KIAA1549: variants seen among roughly 807,000 people sequenced by gnomAD.
The protein encoded by KIAA1549 is UPF0606 protein KIAA1549.
KIAA1549 carries 70 observed loss-of-function variants against 156.4 expected under a neutral mutation model. That is an observed-to-expected ratio of 0.45 (90% CI 0.37 to 0.55). KIAA1549 has a LOEUF of 0.55. Ranked by LOEUF, KIAA1549 falls within the 20% of genes least tolerant of loss-of-function variation. KIAA1549 has a pLI of 0.00. For missense variants in KIAA1549, 2,428 were observed against 2,540.9 expected, an observed-to-expected ratio of 0.96 and a Z score of 0.96; for synonymous variants, 1,103 against 1,066.4, an observed-to-expected ratio of 1.03 and a Z score of -0.67.
At chr7:138,865,971 GCA>G (rs939376777) in intron 15 of KIAA1549, among the ~76,000 whole-genome samples, 2 of 152,100 alleles carry the variant, frequency 1.3e-5, no homozygotes, top group Admixed American at 1.3e-4. Flanking sequence ...TCTCCACTTG[GCA>G]CAGTTTACAA....
At chr7:138,878,761 C>CAAAAAAAAAAAAAAAA (rs1020503492) in intron 12 of KIAA1549, among the ~76,000 whole-genome samples, 2 of 133,058 alleles carry the variant, frequency 1.5e-5, no homozygotes, top group Non-Finnish European at 3.5e-5. Flanking sequence ...GACCCTGTCT[C>CAAAAAAAAAAAAAAAA]AAAAAAAAAT....
At chr7:138,873,843 C>A (rs1294320801) in intron 12 of KIAA1549, among the ~76,000 whole-genome samples, 1 of 151,580 alleles carries the variant, frequency 6.6e-6, no homozygotes, top group Non-Finnish European at 1.5e-5. Flanking sequence ...ATAAGAGGTG[C>A]AGAAAATCTT....
In KIAA1549 at chr7:138,869,669, C is replaced by T. The variant is rs374764383; in HGVS notation, c.4644G>A (p.Pro1548=). 21 of 1,612,214 alleles carry T rather than the reference C, an allele frequency of 1.3e-5. No homozygotes were observed. In the African/African-American group the frequency reaches 1.7e-4, roughly 13 times the overall value. Reference sequence around the variant, plus strand: ...CGCCCGAGGACAGGTCGTCTACCACCGGGAACTCGTAGTGCCCGCGGCGCT... The same window carrying T: ...CGCCCGAGGACAGGTCGTCTACCACTGGGAACTCGTAGTGCCCGCGGCGCT... ...RAKRRGHYEF[P]VVDDLSSGDT... Residue 1548 remains proline (P), a synonymous_variant, in exon 14 of 20, where the codon CCG becomes CCA. Transcript: ENST00000422774.
chr7:138,903,803 GT>G, intron 7 of KIAA1549, 67 bp from the exon 8 acceptor site: 1 of 70,448 alleles, frequency 1.4e-5, no homozygotes, highest in Non-Finnish European at 2.5e-5. Context: ...GTGTGTGTGT[GT>G]GTGTGTGTGT....
chr7:138,868,189 A>G, intron 14 of KIAA1549, 61 bp from the exon 15 acceptor site: 1 of 1,515,286 alleles, frequency 6.6e-7, no homozygotes, highest in Admixed American at 1.9e-5. Context: ...CTGACTTACC[A>G]ACTAAACACT....
intron 17 of KIAA1549, among the ~76,000 whole-genome samples, chr7:138,849,441 A>G (rs1021344455): frequency 6.6e-6 from 1 of 152,006 alleles, no homozygotes; most frequent in Middle Eastern, 3.2e-3. Flanking sequence ...TTGACATGTT[A>G]TATTTTCATT....
intron 1 of KIAA1549, among the ~76,000 whole-genome samples, chr7:138,933,299 C>T (rs1309365997): frequency 6.6e-6 from 1 of 152,238 alleles, no homozygotes; most frequent in Non-Finnish European, 1.5e-5. Context: ...AAAGGCAAAG[C>T]AGCTAATGCA....
rs546465395 is a variant in KIAA1549, at chr7:138,918,770, G to A, written c.856C>T (p.Arg286Trp). The A allele has an allele frequency of 2.1e-4, 331 of 1,613,874 alleles. No individual in the cohort carries two copies. Among genetic ancestry groups the A allele is most frequent in the South Asian group, 2.4e-4 (22 of 91,070 alleles). Residue 286 changes from arginine (R) to tryptophan (W), a missense_variant, in exon 2 of 20, where the codon CGG (arginine) becomes TGG (tryptophan). Physicochemically the swap from Arg to Trp is moderately radical, Grantham distance 101 (BLOSUM62 -3). Around this residue, in one of 5 missense-constraint regions of KIAA1549, gnomAD observed 893 missense variants for 847.9 expected, o/e 1.05. Coordinates refer to ENST00000422774, the MANE Select transcript of KIAA1549 (RefSeq NM_001164665.2). This position sits in a 1 kb window ranked among gnomAD's most constrained non-coding sequence, Gnocchi z 4.2. ...GVETTLFLSS[R>W]SLMPQPLGDG... The stretch of plus-strand genomic sequence containing the variant: ...CCTAACGGCTGTGGCATTAAAGACC[G>A]GGAGCTTAAAAAAAGGGTGGTTTCC...
At chr7:138,977,500 CATT>C (rs1182836231) in intron 1 of KIAA1549, among the ~76,000 whole-genome samples, 1 of 152,118 alleles carries the variant, frequency 6.6e-6, no homozygotes, top group Admixed American at 6.5e-5. Context: ...CTTATGTCAG[CATT>C]ATAACTTTCA....
chr7:138,845,680 C>T (rs966719579), intron 17 of KIAA1549, among the ~76,000 whole-genome samples: 8 of 152,016 alleles, frequency 5.3e-5, no homozygotes, highest in African/African-American at 1.9e-4. Flanking sequence ...TTTGCAGTAT[C>T]GAAAAATCCC....
intron 1 of KIAA1549, among the ~76,000 whole-genome samples, chr7:138,974,808 G>C (rs1469061606): frequency 6.7e-6 from 1 of 150,220 alleles, no homozygotes; most frequent in African/African-American, 2.5e-5. Context: ...CTAGTTGCCT[G>C]GTCAAATAAA....
intron 15 of KIAA1549, among the ~76,000 whole-genome samples, chr7:138,867,736 T>G (rs1810791567): frequency 6.6e-6 from 1 of 152,078 alleles, no homozygotes; most frequent in Non-Finnish European, 1.5e-5. Context: ...GGAGTGTGTT[T>G]CCAGAGGTGG....
chr7:138,899,169 TC>T, intron 8 of KIAA1549, 37 bp from the exon 9 acceptor site: 2 of 1,593,030 alleles, frequency 1.3e-6, no homozygotes, highest in Non-Finnish European at 1.7e-6. Context: ...TTGCAGAAGC[TC>T]ATGTTTCTAG....
intron 4 of KIAA1549, 79 bp from the exon 5 acceptor site, chr7:138,909,200 A>T: frequency 7.0e-7 from 1 of 1,432,108 alleles, no homozygotes. Context: ...AGAGAGAAAC[A>T]TCGTATCTAA....
chr7:138,909,667 C>G (rs1484513665), intron 4 of KIAA1549, among the ~76,000 whole-genome samples: 2 of 152,184 alleles, frequency 1.3e-5, no homozygotes, highest in African/African-American at 4.8e-5. Context: ...CTGTTAACAG[C>G]CAGGTACAGC....
Position 138,879,550 on chromosome 7 carries a change from C to A in KIAA1549, c.4333G>T (p.Ala1445Ser), listed in dbSNP as rs755000968. The change falls in exon 12 of 20, where the codon GCT becomes TCT. Residue 1445 changes from alanine to serine, a missense_variant. Physicochemically the swap from Ala to Ser is moderately conservative, Grantham distance 99. Coordinates refer to ENST00000422774, the MANE Select transcript of KIAA1549 (RefSeq NM_001164665.2). Reference protein sequence around the residue: ...GAVNDGRSHRAPQSGPPLPSS... With the variant: ...GAVNDGRSHRSPQSGPPLPSS... ...AAGAGTCACAGACCGCTCTGCGGAG[C>A]TCTGTGGGACCTGCCATCGTTGACG... The A allele has an allele frequency of 6.4e-7, 1 of 1,560,334 alleles. No individual in the cohort carries two copies. The highest frequency in any genetic ancestry group is 1.2e-5 in the South Asian group (1 of 84,566).
intron 5 of KIAA1549, 40 bp from the exon 6 acceptor site, chr7:138,907,142 A>AT (rs1812030522): frequency 7.1e-7 from 1 of 1,415,388 alleles, no homozygotes; most frequent in East Asian, 2.6e-5. Context: ...ATAATAAAAC[A>AT]TTCTGCTGAA....
Position 138,840,592 on chromosome 7 carries a change from A to G in KIAA1549, c.5453-314T>C, listed in dbSNP as rs1169741239. 2.6e-5 allele frequency among the ~76,000 whole-genome samples: 4 copies of G among 152,190 alleles called. No individual in the cohort carries two copies. The East Asian group carries it at 7.7e-4, about 29-fold the overall frequency. On this transcript the variant is annotated intron_variant, in intron 18 of 19. Transcript: ENST00000422774. ...CATTGCAAAAAAAGTCTGAAACAGA[A>G]TTCTTGACCCCGTGACATTCATCCC... is the stretch of plus-strand genomic sequence containing the variant.
chr7:138,836,990 C>T lies in KIAA1549; in HGVS notation c.*916G>A, dbSNP rs1809727638. The T allele has an allele frequency of 4.4e-6, 1 of 228,518 alleles. No individual in the cohort carries two copies. Among genetic ancestry groups the T allele is most frequent in the South Asian group, 1.8e-4 (1 of 5,490 alleles). 14.2% of individuals were successfully genotyped at this position (228,518 alleles called of 1,614,324 possible). A position where few individuals can be genotyped will look rare whatever the true frequency, so the allele number is the denominator to read the frequency against. ...TCAACAGCAAAGTGGAAGAAAGGAT[C>T]AGTTAGGACCTCTTGAAAGCCGCAT... is the stretch of plus-strand genomic sequence containing the variant. On this transcript the variant is annotated 3_prime_UTR_variant, in exon 20 of 20. Coordinates refer to ENST00000422774, the MANE Select transcript of KIAA1549 (RefSeq NM_001164665.2).
Sources: allele counts gnomAD v4.1 joint callset (sites outside exome capture counted in the v4.1 genomes callset), GRCh38; gene constraint gnomAD v4.1.1; regional missense constraint gnomAD v4.1.1; non-coding constraint Gnocchi (gnomAD v3.1); transcripts MANE v1.5; gene names NCBI Gene and HGNC (gene_info 2026-07-23, HGNC 2026-07-21).